EIF3M: variants seen among roughly 807,000 people sequenced by gnomAD.
EIF3M encodes eukaryotic translation initiation factor 3 subunit M, also known as B5 receptor.
In EIF3M, 25 loss-of-function variants were observed where a neutral mutation model predicts 49.7. The observed-to-expected ratio is 0.50, with a 90% CI of 0.37 to 0.70. The LOEUF is 0.70. Ranked by LOEUF, EIF3M falls within the 30% of genes least tolerant of loss-of-function variation. The pLI, the probability that EIF3M is intolerant of heterozygous loss-of-function variation, is 0.00. For synonymous variants in EIF3M, 156 were observed against 149.8 expected, an observed-to-expected ratio of 1.04 and a Z score of -0.30; for missense variants, 350 against 440.0, an observed-to-expected ratio of 0.80 and a Z score of 1.83.
At chr11:32,601,688 C>A in intron 9 of EIF3M, 74 bp from the exon 10 acceptor site, 3 of 1,382,860 alleles carry the variant, frequency 2.2e-6, no homozygotes, top group South Asian at 2.5e-5. Context: ...CTTACTTGGT[C>A]ACAGTTTTCA....
At chr11:32,600,560 TA>T in intron 8 of EIF3M, 128 bp from the exon 9 acceptor site, 1 of 1,143,632 alleles carries the variant, frequency 8.7e-7, no homozygotes, top group Non-Finnish European at 1.2e-6. Flanking sequence ...TTGTTCTATA[TA>T]AGTGCTCAAA....
intron 10 of EIF3M, chr11:32,602,073 A>T: frequency 1.1e-6 from 1 of 929,478 alleles, no homozygotes; most frequent in Non-Finnish European, 1.6e-6. Flanking sequence ...TGTCTGCTTT[A>T]TATAGTTGCT....
Position 32,593,924 on chromosome 11 carries a change from TC to T in EIF3M, c.595del (p.Gln199ArgfsTer14). Reference protein sequence around the residue: ...LLGSYTEDNASQARVDAHRCI... With the variant: ...LLGSYTEDNAXQARVDAHRCI... ...CGGAAGTTACACAGAGGACAATGCT[TC>T]CCAGGCTCGAGTTGATGCCCACAGG... is the stretch of plus-strand genomic sequence containing the variant. On this transcript the variant is annotated frameshift_variant, in exon 6 of 11. Coordinates refer to ENST00000531120, the MANE Select transcript of EIF3M (RefSeq NM_006360.6). LOFTEE classifies it high-confidence loss of function. 2 of 1,565,580 alleles carry T rather than the reference TC, an allele frequency of 1.3e-6. No individual in the cohort carries two copies. Among genetic ancestry groups the T allele is most frequent in the Non-Finnish European group, 8.7e-7 (1 of 1,155,642 alleles).
chr11:32,590,760 C>T (rs1055602110), intron 5 of EIF3M, among the ~76,000 whole-genome samples: 6 of 152,200 alleles, frequency 3.9e-5, no homozygotes, highest in African/African-American at 1.4e-4. Context: ...TGAGATTTTA[C>T]CTAGCAGTTA....
At chr11:32,585,440 C>T (rs2133191498) in intron 1 of EIF3M, among the ~76,000 whole-genome samples, 1 of 152,222 alleles carries the variant, frequency 6.6e-6, no homozygotes, top group South Asian at 2.1e-4. Flanking sequence ...TGAAATTGCT[C>T]AGGATTAGTT....
chr11:32,603,030 A>T lies in EIF3M; in HGVS notation c.*631A>T, dbSNP rs749424497. The T allele has an allele frequency of 6.3e-7, 1 of 1,578,478 alleles. No homozygotes were observed. The highest frequency in any genetic ancestry group is 1.2e-5 in the South Asian group (1 of 85,196). On this transcript the variant is annotated 3_prime_UTR_variant, in exon 11 of 11. Transcript: ENST00000531120. Reference sequence around the variant, plus strand: ...GAGGCTTTGTTTTCACCTGGGAAAGATAAACTAATTTTACCTTCGAAATTA... The same window carrying T: ...GAGGCTTTGTTTTCACCTGGGAAAGTTAAACTAATTTTACCTTCGAAATTA...
intron 4 of EIF3M, 61 bp from the exon 5 acceptor site, chr11:32,589,486 C>T: frequency 6.6e-7 from 1 of 1,518,816 alleles, no homozygotes; most frequent in African/African-American, 1.4e-5. Context: ...CAGAAATGTA[C>T]TTTTATATGT....
rs1855327717 is a variant in EIF3M at position 32,604,943 on chromosome 11, C to T, written c.*2544C>T. On this transcript the variant is annotated 3_prime_UTR_variant, in exon 11 of 11. Transcript: ENST00000531120. ...TCTCAGCTCACTGCAACCTCCACCT[C>T]CCAGGTTCAAGCGATTCTTCTGCCT... is the stretch of plus-strand genomic sequence containing the variant. 1 of 152,230 alleles carries T rather than the reference C, an allele frequency of 6.6e-6. No individual in the cohort carries two copies. The highest frequency in any genetic ancestry group is 6.5e-5 in the Admixed American group (1 of 15,280). The allele number at this position is 152,230 out of a possible 1,614,324, so 9.4% of individuals were successfully genotyped here.
chr11:32,592,514 G>A, intron 5 of EIF3M: 2 of 527,426 alleles, frequency 3.8e-6, no homozygotes, highest in South Asian at 3.0e-5. Context: ...AGAAACAGCT[G>A]TCTTTGGTTC....
intron 1 of EIF3M, among the ~76,000 whole-genome samples, chr11:32,584,607 C>CAAGAAAAAAA (rs1854964134): frequency 1.6e-5 from 1 of 62,290 alleles, no homozygotes; most frequent in Non-Finnish European, 2.9e-5. Flanking sequence ...GAGTCCCTCT[C>CAAGAAAAAAA]AAAAAAAAAA....
intron 5 of EIF3M, among the ~76,000 whole-genome samples, chr11:32,590,132 A>G (rs959341735): frequency 4.6e-5 from 7 of 152,300 alleles, no homozygotes; most frequent in Middle Eastern, 6.8e-3. Flanking sequence ...TGGTTCTTCT[A>G]TAGCCCGTGT....
intron 8 of EIF3M, among the ~76,000 whole-genome samples, chr11:32,596,366 C>T (rs1267692649): frequency 1.3e-5 from 2 of 151,612 alleles, no homozygotes; most frequent in Non-Finnish European, 2.9e-5. Context: ...CCGAGGCGGG[C>T]GGATCACGAG....
In EIF3M at chr11:32,601,841, T is replaced by G. The variant is rs1438546483; in HGVS notation, c.1004+19T>G. 1 of 1,609,064 alleles carries G rather than the reference T, an allele frequency of 6.2e-7. No homozygotes were observed. The highest frequency in any genetic ancestry group is 1.1e-5 in the South Asian group (1 of 90,728). ...TTGTCAGGTAAGATATTTAATGCTT[T>G]GCAGCATTTTATAGAACGATTTAGT... On this transcript the variant is annotated intron_variant, in intron 10 of 10. Transcript: ENST00000531120.
At chr11:32,595,223 T>G (rs1009237993) in intron 7 of EIF3M, among the ~76,000 whole-genome samples, 1 of 152,020 alleles carries the variant, frequency 6.6e-6, no homozygotes, top group Admixed American at 6.6e-5. Flanking sequence ...TTCCTCCCTT[T>G]CTTAATTTCT....
chr11:32,601,501 T>TAAA (rs60498109), intron 9 of EIF3M: 95 of 217,218 alleles, frequency 4.4e-4, no homozygotes, highest in East Asian at 2.1e-3. Flanking sequence ...TAGCATTCTT[T>TAAA]AAAAAAAAAA....
rs1855335127 is a variant in EIF3M, at chr11:32,605,316, T to TG, written c.*2921dup. The TG allele has an allele frequency of 6.6e-6, 1 of 152,068 alleles. No homozygotes were observed. 9.4% of individuals were successfully genotyped at this position (152,068 alleles called of 1,614,324 possible). On this transcript the variant is annotated 3_prime_UTR_variant, in exon 11 of 11. Transcript: ENST00000531120. ...CTCAGAGAGTTTTACCTCTGATCTT[T>TG]GGGGTGATTCTTTGTTCATATTTAT...
At chr11:32,591,142 C>T (rs1855095759) in intron 5 of EIF3M, among the ~76,000 whole-genome samples, 1 of 152,212 alleles carries the variant, frequency 6.6e-6, no homozygotes, top group South Asian at 2.1e-4. Flanking sequence ...AGCCACCGCA[C>T]CAGGCCTGTT....
intron 3 of EIF3M, 54 bp downstream of exon 3, chr11:32,588,786 C>T: frequency 6.2e-7 from 1 of 1,608,934 alleles, no homozygotes; most frequent in South Asian, 1.1e-5. Context: ...TTTCATGTTA[C>T]TAACTTTTAA....
intron 5 of EIF3M, chr11:32,592,392 G>A (rs1482809096): frequency 4.0e-5 from 22 of 548,328 alleles, no homozygotes; most frequent in South Asian, 2.2e-4. Context: ...TCAATCTTGC[G>A]ATACTTTTCA....
Sources: allele counts gnomAD v4.1 joint callset (sites outside exome capture counted in the v4.1 genomes callset), GRCh38; gene constraint gnomAD v4.1.1; transcripts MANE v1.5; gene names NCBI Gene and HGNC (gene_info 2026-07-23, HGNC 2026-07-21).